EXOC2: variants seen among roughly 807,000 people sequenced by gnomAD.
The protein encoded by EXOC2 is SEC5-like 1.
Under a neutral mutation model 131.8 loss-of-function variants are expected in EXOC2, and 70 were observed. The ratio of observed to expected loss-of-function variants is 0.53; its 90% CI spans 0.44 to 0.65. The LOEUF is 0.65. Ranked by LOEUF, EXOC2 falls within the 30% of genes least tolerant of loss-of-function variation. The pLI is 0.00. For missense variants in EXOC2, 923 were observed against 1,108.6 expected (o/e 0.83, Z 2.38); for synonymous variants, 411 against 398.4 (o/e 1.03, Z -0.38).
intron 6 of EXOC2, among the ~76,000 whole-genome samples, chr6:615,793 G>A (rs888029171): frequency 6.6e-6 from 1 of 151,656 alleles, no homozygotes; most frequent in Non-Finnish European, 1.5e-5. Context: ...GTTTAAAAGA[G>A]GCTTAAGAGA....
intron 1 of EXOC2, among the ~76,000 whole-genome samples, chr6:688,751 T>C (rs1422970403): frequency 1.3e-5 from 2 of 152,254 alleles, no homozygotes; most frequent in East Asian, 3.9e-4. Context: ...TATTCCCTAA[T>C]CCCCTCTGCA....
chr6:565,824 G>T (rs528767281), intron 13 of EXOC2, among the ~76,000 whole-genome samples: 3 of 152,210 alleles, frequency 2.0e-5, no homozygotes, highest in African/African-American at 7.2e-5. Flanking sequence ...TACAAGCAAT[G>T]TTATGCACGT....
chr6:618,029 T>C (rs1761101113), intron 5 of EXOC2, among the ~76,000 whole-genome samples, 194 bp from the exon 6 acceptor site: 1 of 152,190 alleles, frequency 6.6e-6, no homozygotes, highest in South Asian at 2.1e-4. Flanking sequence ...TTATTATGAA[T>C]GCCTAAATTA....
At chr6:553,217 A>G (rs548632582) in intron 21 of EXOC2, among the ~76,000 whole-genome samples, 31 of 152,326 alleles carry the variant, frequency 2.0e-4, no homozygotes, top group Middle Eastern at 6.8e-3. Context: ...GTGCCTGGCC[A>G]GAAAGGGTTA....
intron 1 of EXOC2, among the ~76,000 whole-genome samples, chr6:662,947 C>T (rs1763484882): frequency 6.6e-6 from 1 of 151,958 alleles, no homozygotes; most frequent in South Asian, 2.1e-4. Context: ...GCCGAGATCA[C>T]ACCACTGCAC....
rs1763808225 is a variant in EXOC2, at chr6:497,482, G to A, written c.2444C>T (p.Thr815Ile). The change falls in exon 25 of 28, where the codon ACC becomes ATC. Residue 815 changes from threonine (T) to isoleucine (I), a missense_variant. Thr to Ile is a moderately conservative substitution (Grantham distance 89, BLOSUM62 -1). Coordinates refer to ENST00000230449, the MANE Select transcript of EXOC2 (RefSeq NM_018303.6). The part of the protein sequence containing the change: ...NIIAVHAEVF[T>I]ISKELVPRVL... ...CCGAGGGACCAGTTCTTTGGAAATGGTGAACACCTGGTTTGAAATAGGAAG... is the reference window on the plus strand; with the variant it reads ...CCGAGGGACCAGTTCTTTGGAAATGATGAACACCTGGTTTGAAATAGGAAG... 2 of 1,609,688 alleles carry A rather than the reference G, an allele frequency of 1.2e-6. No homozygotes were observed. Among genetic ancestry groups the A allele is most frequent in the African/African-American group, 1.3e-5 (1 of 74,820 alleles).
chr6:603,133 T>G (rs6899323), intron 7 of EXOC2, among the ~76,000 whole-genome samples: 13,612 of 152,128 alleles, frequency 0.089, 1,039 homozygotes, highest in African/African-American at 0.21. Context: ...CCACTTGCTG[T>G]GAATTGGAGA....
At chr6:554,565 C>T (rs1411276519) in intron 20 of EXOC2, among the ~76,000 whole-genome samples, 2 of 152,216 alleles carry the variant, frequency 1.3e-5, no homozygotes, top group East Asian at 1.9e-4. Context: ...GTTTTATATA[C>T]TGAAAAGCAA....
chr6:537,777 A>T (rs150872839), intron 22 of EXOC2, among the ~76,000 whole-genome samples: 1 of 152,348 alleles, frequency 6.6e-6, no homozygotes, highest in African/African-American at 2.4e-5. Context: ...ACTGGTACAC[A>T]CAACTGGATG....
At chr6:562,460 T>G (rs1203228125) in intron 17 of EXOC2, among the ~76,000 whole-genome samples, 1 of 152,236 alleles carries the variant, frequency 6.6e-6, no homozygotes, top group Admixed American at 6.5e-5. Flanking sequence ...ACGTCATCTC[T>G]TCTATCCTGC....
rs1457540925 is a variant in EXOC2, at chr6:485,860, G to C, written c.*811C>G. 6 of 152,288 alleles carry C rather than the reference G, an allele frequency of 3.9e-5. No homozygotes were observed. The highest frequency in any genetic ancestry group is 1.2e-4 in the African/African-American group (5 of 41,452). 9.4% of individuals were successfully genotyped at this position (152,288 alleles called of 1,614,324 possible). A position where few individuals can be genotyped will look rare whatever the true frequency, so the allele number is the denominator to read the frequency against. On this transcript the variant is annotated 3_prime_UTR_variant, in exon 28 of 28. Transcript: ENST00000230449. The stretch of plus-strand genomic sequence containing the variant: ...ACGCGGAGCCTGGCCTTTCCGTTAG[G>C]GGACCCTGAAGTCTGCGACCGCCCC...
intron 23 of EXOC2, among the ~76,000 whole-genome samples, chr6:507,270 T>TAC (rs1196317496): frequency 4.8e-4 from 29 of 60,340 alleles, no homozygotes; most frequent in Non-Finnish European, 7.0e-4. Context: ...CAGCAGTGAC[T>TAC]ACACACACAC....
intron 26 of EXOC2, among the ~76,000 whole-genome samples, chr6:489,558 G>T (rs1452620569): frequency 6.6e-6 from 1 of 152,180 alleles, no homozygotes; most frequent in African/African-American, 2.4e-5. Context: ...AAAATTCAAT[G>T]TAAGTTCTTT....
At chr6:617,113 C>A (rs1362799706) in intron 6 of EXOC2, among the ~76,000 whole-genome samples, 1 of 152,046 alleles carries the variant, frequency 6.6e-6, no homozygotes, top group African/African-American at 2.4e-5. Context: ...ATTGAGTTAA[C>A]TTTTATTGAT....
chr6:647,723 A>C (rs1186859967), intron 1 of EXOC2, among the ~76,000 whole-genome samples: 1 of 147,424 alleles, frequency 6.8e-6, no homozygotes, highest in Non-Finnish European at 1.5e-5. Context: ...ACGCAAAACT[A>C]AAAAACTAGG....
chr6:678,235 A>C (rs1026021366), intron 1 of EXOC2, among the ~76,000 whole-genome samples: 3 of 152,226 alleles, frequency 2.0e-5, no homozygotes, highest in Admixed American at 2.0e-4. Context: ...CTTAACCAAG[A>C]GTCAGAAGGC....
At chr6:551,004 T>C (rs1757113481) in intron 21 of EXOC2, among the ~76,000 whole-genome samples, 1 of 152,202 alleles carries the variant, frequency 6.6e-6, no homozygotes, top group African/African-American at 2.4e-5. Context: ...CTTCCTCCTA[T>C]AAGTACATTT....
At chr6:570,186 T>TGCA (rs1758193086) in intron 13 of EXOC2, among the ~76,000 whole-genome samples, 2 of 135,084 alleles carry the variant, frequency 1.5e-5, no homozygotes, top group African/African-American at 5.7e-5. Flanking sequence ...CAGGCTGGAG[T>TGCA]GTGGTGGCGC....
chr6:521,929 G>C (rs1765491148), intron 23 of EXOC2, among the ~76,000 whole-genome samples: 1 of 152,098 alleles, frequency 6.6e-6, no homozygotes, highest in Admixed American at 6.5e-5. Context: ...AAAAATAGTT[G>C]ACTCAATTTG....
Sources: allele counts gnomAD v4.1 joint callset (sites outside exome capture counted in the v4.1 genomes callset), GRCh38; gene constraint gnomAD v4.1.1; transcripts MANE v1.5; gene names NCBI Gene and HGNC (gene_info 2026-07-23, HGNC 2026-07-21).